PTPRD: variants seen among roughly 807,000 people sequenced by gnomAD.
PTPRD encodes the protein receptor-type tyrosine-protein phosphatase delta.
Under a neutral mutation model 214.5 loss-of-function variants are expected in PTPRD, and 34 were observed. That is an observed-to-expected ratio of 0.16 (90% CI 0.12 to 0.21). The LOEUF (loss-of-function observed/expected upper bound fraction) is 0.21, where lower values mean the gene tolerates loss of function less well. Ranked by LOEUF, PTPRD falls within the 10% of genes least tolerant of loss-of-function variation. The pLI is 1.00. For synonymous variants in PTPRD, 1,128 were observed against 845.7 expected (o/e 1.33, Z -5.79); for missense variants, 2,545 against 2,398.7 (o/e 1.06, Z -1.27).
At chr9:9,286,876 ATATATATATATATATATATATATAT>A (rs1424998615) in intron 9 of PTPRD, among the ~76,000 whole-genome samples, 25 of 8,628 alleles carry the variant, frequency 2.9e-3, no homozygotes, top group East Asian at 0.01. Flanking sequence ...ACTACTGAAT[ATATATATATATATATATATATATAT>A]ATATATATAT....
chr9:9,993,885 G>A (rs960480814), intron 4 of PTPRD, among the ~76,000 whole-genome samples: 27 of 152,128 alleles, frequency 1.8e-4, no homozygotes, highest in Non-Finnish European at 3.7e-4. Flanking sequence ...AACTGATCAT[G>A]GTGATCATGG....
At chr9:8,600,250 A>C (rs2094761607) in intron 14 of PTPRD, among the ~76,000 whole-genome samples, 2 of 152,356 alleles carry the variant, frequency 1.3e-5, no homozygotes, top group South Asian at 4.1e-4. Flanking sequence ...CCATCCCAGC[A>C]GTCAGAGCTT....
intron 3 of PTPRD, among the ~76,000 whole-genome samples, chr9:10,221,371 T>C (rs536384854): frequency 6.6e-6 from 1 of 152,028 alleles, no homozygotes; most frequent in African/African-American, 2.4e-5. Flanking sequence ...TGGAAAAAAT[T>C]AGACTAAAAA....
At chr9:8,651,569 C>T (rs1003845862) in intron 12 of PTPRD, among the ~76,000 whole-genome samples, 3 of 152,032 alleles carry the variant, frequency 2.0e-5, no homozygotes, top group African/African-American at 7.2e-5. Flanking sequence ...TGCTTTTTTT[C>T]CTTCCCAGCT....
chr9:10,428,149 T>C (rs2098641768), intron 2 of PTPRD, among the ~76,000 whole-genome samples: 1 of 151,846 alleles, frequency 6.6e-6, no homozygotes, highest in South Asian at 2.1e-4. Flanking sequence ...ACCCCATCTC[T>C]ACTAAAAATA....
intron 10 of PTPRD, among the ~76,000 whole-genome samples, chr9:9,101,941 C>A (rs1330877758): frequency 6.6e-6 from 1 of 151,906 alleles, no homozygotes; most frequent in African/African-American, 2.4e-5. Context: ...ATAATGATAC[C>A]TCTTGGCTAT....
chr9:10,005,989 A>G (rs2096465276), intron 4 of PTPRD, among the ~76,000 whole-genome samples: 1 of 152,120 alleles, frequency 6.6e-6, no homozygotes. Flanking sequence ...TTATGACATA[A>G]GAACAAGGCA....
chr9:9,944,505 T>TAATAAA, intron 4 of PTPRD, among the ~76,000 whole-genome samples: 1 of 152,080 alleles, frequency 6.6e-6, no homozygotes, highest in South Asian at 2.1e-4. Context: ...ATAAAAAGAT[T>TAATAAA]AATAAAAAGA....
At chr9:8,591,611 A>C (rs899289865) in intron 14 of PTPRD, among the ~76,000 whole-genome samples, 4 of 152,198 alleles carry the variant, frequency 2.6e-5, no homozygotes, top group Non-Finnish European at 4.4e-5. Flanking sequence ...CAAGTGATTT[A>C]ATTGAATATT....
chr9:9,198,562 T>C (rs971423877), intron 9 of PTPRD, among the ~76,000 whole-genome samples: 2 of 151,582 alleles, frequency 1.3e-5, no homozygotes, highest in Non-Finnish European at 3.0e-5. Context: ...TAATTTCTTC[T>C]CCATGAATAT....
chr9:9,910,747 A>G (rs758190328), intron 5 of PTPRD, among the ~76,000 whole-genome samples: 1 of 152,122 alleles, frequency 6.6e-6, no homozygotes, highest in East Asian at 1.9e-4. Context: ...GTTTCTTAAA[A>G]TATCGGATGA....
chr9:9,937,204 A>G (rs2089822968), intron 5 of PTPRD, among the ~76,000 whole-genome samples: 1 of 151,990 alleles, frequency 6.6e-6, no homozygotes, highest in African/African-American at 2.4e-5. Context: ...GTGCACATGT[A>G]CCCTAAAACT....
intron 5 of PTPRD, among the ~76,000 whole-genome samples, chr9:9,767,647 C>G (rs2098717670): frequency 6.6e-6 from 1 of 151,964 alleles, no homozygotes; most frequent in Admixed American, 6.6e-5. Flanking sequence ...TCACTTTGTT[C>G]ATATGTTCTG....
chr9:8,535,814 T>C (rs925320908), intron 14 of PTPRD, among the ~76,000 whole-genome samples: 1 of 151,926 alleles, frequency 6.6e-6, no homozygotes, highest in Non-Finnish European at 1.5e-5. Flanking sequence ...AAAGTCTCCA[T>C]AAACTAGTTC....
At chr9:8,637,158 A>T (rs922407634) in intron 12 of PTPRD, among the ~76,000 whole-genome samples, 4 of 152,196 alleles carry the variant, frequency 2.6e-5, no homozygotes, top group Non-Finnish European at 4.4e-5. Context: ...AAAAAAATCC[A>T]ATTTGTCCTC....
intron 14 of PTPRD, among the ~76,000 whole-genome samples, chr9:8,568,507 A>G (rs905385733): frequency 1.3e-5 from 2 of 152,176 alleles, no homozygotes; most frequent in African/African-American, 4.8e-5. Flanking sequence ...ATTTTGAGCC[A>G]AGAAGTTTTG....
intron 12 of PTPRD, among the ~76,000 whole-genome samples, chr9:8,690,189 G>A (rs2097773650): frequency 6.6e-6 from 1 of 151,740 alleles, no homozygotes. Flanking sequence ...ACAAAGGTAG[G>A]ATATTTTTTC....
intron 3 of PTPRD, among the ~76,000 whole-genome samples, chr9:10,135,588 G>A (rs977364102): frequency 6.6e-6 from 1 of 152,056 alleles, no homozygotes; most frequent in East Asian, 1.9e-4. Flanking sequence ...CATCCTTAAA[G>A]AAGCAAAATT....
At chr9:9,209,559 A>C (rs746449657) in intron 9 of PTPRD, among the ~76,000 whole-genome samples, 13 of 152,310 alleles carry the variant, frequency 8.5e-5, no homozygotes, top group African/African-American at 2.9e-4. Context: ...ATATCTACTG[A>C]AATATTTGTG....
Sources: gnomAD v4.1 joint callset for allele counts (sites outside exome capture counted in the v4.1 genomes callset) on GRCh38, gnomAD v4.1.1 for gene constraint, MANE v1.5 for transcripts, NCBI Gene and HGNC (gene_info 2026-07-23, HGNC 2026-07-21) for gene names.